The following NRG3 variants were observed in gnomAD, a reference collection of about 807,000 sequenced individuals.
NRG3 encodes neuregulin 3, also known as pro-neuregulin-3, membrane-bound isoform.
In NRG3, 31 loss-of-function variants were observed where a neutral mutation model predicts 66.9. That is an observed-to-expected ratio of 0.46 (90% CI 0.35 to 0.63). The LOEUF (loss-of-function observed/expected upper bound fraction) is 0.63. Among genes scored for constraint, NRG3 ranks in the 20% least tolerant of loss-of-function variants. The probability of loss-of-function intolerance (pLI) is 0.00; values close to 1 mark genes in which losing one functional copy is unlikely to be tolerated. For synonymous variants in NRG3, 393 were observed against 359.4 expected (o/e 1.09, Z -1.06); for missense variants, 910 against 878.9 (o/e 1.04, Z -0.45).
intron 1 of NRG3, among the ~76,000 whole-genome samples, chr10:82,219,618 G>A (rs984359443): frequency 6.6e-6 from 1 of 151,934 alleles, no homozygotes; most frequent in African/African-American, 2.4e-5. Context: ...TAGCAAATTA[G>A]TTCTAGAACC....
chr10:82,556,015 C>T (rs767202736), intron 2 of NRG3, among the ~76,000 whole-genome samples: 20 of 152,128 alleles, frequency 1.3e-4, no homozygotes, highest in Non-Finnish European at 2.2e-4. Context: ...TGAAGCTGCT[C>T]TTGTCAAGGT....
intron 2 of NRG3, among the ~76,000 whole-genome samples, chr10:82,539,185 C>G (rs2043361234): frequency 6.6e-6 from 1 of 152,170 alleles, no homozygotes; most frequent in African/African-American, 2.4e-5. Context: ...CTGAAAAGAG[C>G]TTCCACAGAC....
At chr10:82,010,234 G>A (rs768811016) in intron 1 of NRG3, among the ~76,000 whole-genome samples, 5 of 152,158 alleles carry the variant, frequency 3.3e-5, no homozygotes, top group Admixed American at 6.5e-5. Context: ...GAGTGGGTAA[G>A]CCATTGGCCA....
intron 1 of NRG3, among the ~76,000 whole-genome samples, chr10:82,132,806 T>C (rs1249801595): frequency 6.6e-6 from 1 of 151,492 alleles, no homozygotes; most frequent in African/African-American, 2.4e-5. Context: ...TCTTGGTAGG[T>C]TGTATGTATC....
chr10:82,879,958 CTTTTTTTTT>C (rs35159008), intron 4 of NRG3, among the ~76,000 whole-genome samples: 1 of 78,460 alleles, frequency 1.3e-5, no homozygotes, highest in Non-Finnish European at 2.3e-5. Flanking sequence ...GATTTCATCC[CTTTTTTTTT>C]TTTTTTTTTT....
At chr10:82,469,076 C>G (rs1840975533) in intron 2 of NRG3, among the ~76,000 whole-genome samples, 1 of 152,164 alleles carries the variant, frequency 6.6e-6, no homozygotes, top group African/African-American at 2.4e-5. Flanking sequence ...CACATGCATT[C>G]CTAAATAAGT....
intron 8 of NRG3, 126 bp downstream of exon 8, chr10:82,979,246 G>A: frequency 1.0e-6 from 1 of 965,392 alleles, no homozygotes; most frequent in Non-Finnish European, 1.5e-6. Flanking sequence ...TATGCTTACT[G>A]CCATCTTTGT....
intron 2 of NRG3, among the ~76,000 whole-genome samples, chr10:82,377,156 T>C (rs1009344881): frequency 1.3e-5 from 2 of 152,200 alleles, no homozygotes; most frequent in African/African-American, 4.8e-5. Context: ...TTTTCTTTAA[T>C]AGTGAATGCT....
At chr10:82,165,227 G>A (rs2071946448) in intron 1 of NRG3, among the ~76,000 whole-genome samples, 1 of 151,622 alleles carries the variant, frequency 6.6e-6, no homozygotes, top group Admixed American at 6.6e-5. Flanking sequence ...TTTTTTTCTA[G>A]AACAAATTTT....
intron 3 of NRG3, among the ~76,000 whole-genome samples, chr10:82,779,172 C>G (rs2135255130): frequency 6.6e-6 from 1 of 152,126 alleles, no homozygotes; most frequent in Middle Eastern, 3.4e-3. Context: ...CATGTGAACT[C>G]CAGGAAACAC....
intron 2 of NRG3, among the ~76,000 whole-genome samples, chr10:82,418,461 A>G (rs933271297): frequency 3.4e-5 from 5 of 145,090 alleles, no homozygotes; most frequent in African/African-American, 1.1e-4. Flanking sequence ...TGCAAATGAA[A>G]AGAGGAGGTA....
At chr10:82,504,712 G>T (rs1472277089) in intron 2 of NRG3, among the ~76,000 whole-genome samples, 5 of 152,154 alleles carry the variant, frequency 3.3e-5, no homozygotes, top group African/African-American at 7.2e-5. Context: ...GCGCCATCAC[G>T]TTTGGGATAA....
intron 2 of NRG3, among the ~76,000 whole-genome samples, chr10:82,658,289 A>G (rs956824341): frequency 2.6e-5 from 4 of 152,172 alleles, no homozygotes; most frequent in Admixed American, 2.6e-4. Context: ...TGTACTAACT[A>G]TAATAAAACA....
chr10:82,243,943 G>A (rs1236614025), intron 1 of NRG3, among the ~76,000 whole-genome samples: 1 of 152,054 alleles, frequency 6.6e-6, no homozygotes, highest in African/African-American at 2.4e-5. Context: ...AGATCTGTCT[G>A]GAAATTTTTG....
intron 1 of NRG3, among the ~76,000 whole-genome samples, chr10:81,941,206 C>T (rs886727936): frequency 4.6e-5 from 7 of 152,068 alleles, no homozygotes; most frequent in South Asian, 2.1e-4. Flanking sequence ...TTACTTGTGA[C>T]GACCAGAGAA....
intron 1 of NRG3, among the ~76,000 whole-genome samples, chr10:82,294,282 T>C (rs2079920955): frequency 6.6e-6 from 1 of 152,238 alleles, no homozygotes; most frequent in Non-Finnish European, 1.5e-5. Context: ...AAATTAACCT[T>C]GGATTGATCC....
intron 1 of NRG3, among the ~76,000 whole-genome samples, chr10:82,317,203 ATT>A (rs557938157): frequency 2.7e-4 from 38 of 142,408 alleles, no homozygotes; most frequent in Non-Finnish European, 2.8e-4. Context: ...GGTAGAATAG[ATT>A]TTTTTTTTTT....
At chr10:82,924,420 G>C (rs1056523056) in intron 4 of NRG3, among the ~76,000 whole-genome samples, 1 of 152,038 alleles carries the variant, frequency 6.6e-6, no homozygotes, top group African/African-American at 2.4e-5. Context: ...CAGTTTGTGC[G>C]GTGGTAATGA....
At chr10:82,957,893 CGTGTGT>C (rs10547101) in intron 5 of NRG3, among the ~76,000 whole-genome samples, 69 of 149,564 alleles carry the variant, frequency 4.6e-4, no homozygotes, top group East Asian at 3.0e-3. Flanking sequence ...AAGAGGTGTG[CGTGTGT>C]GTGTGTGTGT....
Sources: allele counts gnomAD v4.1 joint callset (sites outside exome capture counted in the v4.1 genomes callset), GRCh38; gene constraint gnomAD v4.1.1; transcripts MANE v1.5; gene names NCBI Gene and HGNC (gene_info 2026-07-23, HGNC 2026-07-21).